SOX5: variants seen among roughly 807,000 people sequenced by gnomAD.
The protein encoded by SOX5 is SRY-box transcription factor 5.
In SOX5, 9 loss-of-function variants were observed where a neutral mutation model predicts 92.0. The ratio of observed to expected loss-of-function variants is 0.10; its 90% CI spans 0.06 to 0.17. The LOEUF is 0.17. Ranked by LOEUF, SOX5 falls within the 10% of genes least tolerant of loss-of-function variation. The pLI is 1.00. For missense variants in SOX5, 642 were observed against 944.5 expected, an observed-to-expected ratio of 0.68 and a Z score of 4.20; for synonymous variants, 344 against 336.3, an observed-to-expected ratio of 1.02 and a Z score of -0.25.
rs190581876 is a variant in SOX5, at chr12:23,603,087, T to G, written c.1164+1300A>C. On this transcript the variant is annotated intron_variant, in intron 9 of 14. Transcript: ENST00000451604. ...AGGTCCTTGTCCAGGTTAAGTTATA[T>G]TCCCCAAAATATTTGTCTTTTAATA... is the stretch of plus-strand genomic sequence containing the variant. 4.5e-4 allele frequency among the ~76,000 whole-genome samples: 68 copies of G among 152,136 alleles called. 1 individual carries two copies. Among genetic ancestry groups the G allele is most frequent in the African/African-American group, 1.6e-3 (67 of 41,554 alleles).
intron 1 of SOX5, among the ~76,000 whole-genome samples, chr12:24,427,205 T>C (rs1009392991): frequency 6.6e-6 from 1 of 152,228 alleles, no homozygotes; most frequent in Non-Finnish European, 1.5e-5. Flanking sequence ...TCACATTCTA[T>C]CTGGCATGAA....
At chr12:23,983,094 A>C (rs1295982849) in intron 4 of SOX5, among the ~76,000 whole-genome samples, 1 of 141,540 alleles carries the variant, frequency 7.1e-6, no homozygotes, top group Admixed American at 7.4e-5. Flanking sequence ...AGTCACTGGG[A>C]TCTGGAGTCC....
At chr12:24,374,859 G>A (rs1340508981) in intron 1 of SOX5, among the ~76,000 whole-genome samples, 1 of 152,238 alleles carries the variant, frequency 6.6e-6, no homozygotes, top group Non-Finnish European at 1.5e-5. Context: ...GGCAGGGCCT[G>A]CACTAGAGTG....
intron 2 of SOX5, among the ~76,000 whole-genome samples, chr12:24,367,699 T>C (rs552780050): frequency 2.0e-5 from 3 of 152,296 alleles, no homozygotes. Context: ...CCTCATATTT[T>C]AAAATGATCA....
chr12:24,480,611 C>T (rs1945881863), intron 1 of SOX5, among the ~76,000 whole-genome samples: 1 of 152,186 alleles, frequency 6.6e-6, no homozygotes, highest in East Asian at 1.9e-4. Context: ...TTTGAATAGA[C>T]ACTTCTCAAA....
chr12:23,696,337 T>G (rs995332429), intron 6 of SOX5, among the ~76,000 whole-genome samples: 3 of 152,146 alleles, frequency 2.0e-5, no homozygotes, highest in African/African-American at 7.2e-5. Flanking sequence ...CATTTCTCCT[T>G]GAGCGAGCTT....
chr12:24,278,988 A>T (rs547828936), intron 2 of SOX5, among the ~76,000 whole-genome samples: 2 of 151,846 alleles, frequency 1.3e-5, no homozygotes, highest in East Asian at 3.9e-4. Flanking sequence ...TTGTCATATC[A>T]TATATTTGGG....
intron 1 of SOX5, among the ~76,000 whole-genome samples, chr12:24,413,884 C>A (rs1025169292): frequency 3.3e-5 from 5 of 152,184 alleles, no homozygotes; most frequent in Non-Finnish European, 1.5e-5. Context: ...CCACATTATG[C>A]AGTTTTGCTC....
At chr12:23,596,256 A>G (rs1264666755) in intron 9 of SOX5, among the ~76,000 whole-genome samples, 1 of 152,090 alleles carries the variant, frequency 6.6e-6, no homozygotes, top group Non-Finnish European at 1.5e-5. Flanking sequence ...CCATTTCGTA[A>G]TGTTTAAAAA....
At chr12:23,760,596 A>C (rs979929363) in intron 3 of SOX5, among the ~76,000 whole-genome samples, 1 of 78,934 alleles carries the variant, frequency 1.3e-5, no homozygotes, top group Non-Finnish European at 2.9e-5. Context: ...GCCTATGGCA[A>C]TCCCCACCAG....
chr12:23,751,053 G>T (rs1158371685), intron 4 of SOX5, among the ~76,000 whole-genome samples: 2 of 151,830 alleles, frequency 1.3e-5, no homozygotes, highest in Non-Finnish European at 2.9e-5. Flanking sequence ...TTTACAAAAA[G>T]TGAAAACATT....
In SOX5 at chr12:23,561,504, T is replaced by C. The variant is rs181592538; in HGVS notation, c.1488+1754A>G. 1.9e-3 allele frequency among the ~76,000 whole-genome samples: 291 copies of C among 152,318 alleles called. 1 individual carries two copies. Among genetic ancestry groups the C allele is most frequent in the African/African-American group, 5.8e-3 (243 of 41,572 alleles). ...TGGTGGAAGGCCTAGGATTATTTTA[T>C]GTACTTCCATTGCCTTACAAGCCGT... On this transcript the variant is annotated intron_variant, in intron 11 of 14. Coordinates refer to ENST00000451604, the MANE Select transcript of SOX5 (RefSeq NM_006940.6).
intron 1 of SOX5, among the ~76,000 whole-genome samples, chr12:24,500,615 A>G (rs1018134033): frequency 2.0e-5 from 3 of 152,188 alleles, no homozygotes; most frequent in African/African-American, 4.8e-5. Flanking sequence ...TGGCTTTTCT[A>G]TTGAGCTTCA....
intron 4 of SOX5, among the ~76,000 whole-genome samples, chr12:23,976,508 G>A (rs893357199): frequency 6.6e-6 from 1 of 151,304 alleles, no homozygotes; most frequent in Non-Finnish European, 1.5e-5. Context: ...CCAGGGATTG[G>A]CCTAATTTTA....
chr12:23,819,347 T>G (rs2096061571), intron 3 of SOX5, among the ~76,000 whole-genome samples: 1 of 152,204 alleles, frequency 6.6e-6, no homozygotes, highest in Admixed American at 6.5e-5. Flanking sequence ...TGTACTTTCT[T>G]TGTGTAAAAA....
intron 2 of SOX5, among the ~76,000 whole-genome samples, chr12:24,280,023 G>GT (rs201766705): frequency 2.8e-4 from 42 of 150,972 alleles, no homozygotes; most frequent in South Asian, 6.3e-4. Context: ...TTAAATCATT[G>GT]TTTTTTTTTC....
intron 9 of SOX5, among the ~76,000 whole-genome samples, chr12:23,577,073 G>A (rs1439126496): frequency 7.1e-6 from 1 of 140,052 alleles, no homozygotes; most frequent in Non-Finnish European, 1.5e-5. Flanking sequence ...CCTACCAAAA[G>A]AACCACTGAA....
chr12:23,926,687 A>T (rs1306368008), intron 1 of SOX5, among the ~76,000 whole-genome samples: 1 of 152,070 alleles, frequency 6.6e-6, no homozygotes, highest in Non-Finnish European at 1.5e-5. Flanking sequence ...TGTCCTACAA[A>T]ATAAAGCATA....
intron 4 of SOX5, among the ~76,000 whole-genome samples, chr12:24,157,388 T>C (rs1952292464): frequency 1.3e-5 from 2 of 152,264 alleles, no homozygotes; most frequent in South Asian, 4.2e-4. Context: ...CTCTGCAGAA[T>C]CTATAAGCTT....
Sources: gnomAD v4.1 joint callset for allele counts (sites outside exome capture counted in the v4.1 genomes callset) on GRCh38, gnomAD v4.1.1 for gene constraint, MANE v1.5 for transcripts, NCBI Gene and HGNC (gene_info 2026-07-23, HGNC 2026-07-21) for gene names.